MBOAT7: variants seen among roughly 807,000 people sequenced by gnomAD.
MBOAT7 encodes the protein membrane-bound acylglycerophosphatidylinositol O-acyltransferase MBOAT7.
A neutral mutation model predicts 47.4 loss-of-function variants in MBOAT7; 40 were observed. That is an observed-to-expected ratio of 0.84 (90% CI 0.66 to 1.10). MBOAT7 has a LOEUF of 1.10. Among genes scored for constraint, MBOAT7 ranks in the 50% least tolerant of loss-of-function variants. The pLI is 0.00. For missense variants in MBOAT7, 680 were observed against 655.6 expected (o/e 1.04, Z -0.41); for synonymous variants, 361 against 292.0 (o/e 1.24, Z -2.41).
intron 7 of MBOAT7, among the ~76,000 whole-genome samples, chr19:54,176,913 A>AAAT (rs968562969): frequency 7.9e-5 from 12 of 152,096 alleles, no homozygotes; most frequent in African/African-American, 2.9e-4. Context: ...AGTAAAAAAA[A>AAAT]AATAATAATA....
At chr19:54,178,180 G>T (rs987486087) in intron 7 of MBOAT7, 2 of 968,416 alleles carry the variant, frequency 2.1e-6, no homozygotes, top group Non-Finnish European at 2.5e-6. Context: ...AAAGTGCTGG[G>T]ATTCCAGGCG....
intron 7 of MBOAT7, among the ~76,000 whole-genome samples, chr19:54,175,045 G>C (rs556273532): frequency 6.9e-6 from 1 of 143,920 alleles, no homozygotes; most frequent in African/African-American, 2.6e-5. Context: ...GCGCGATCTT[G>C]GCTCACTGCA....
rs1280933603 is a variant in MBOAT7 at position 54,188,488 on chromosome 19, C to A, written c.21G>T (p.Thr7=). MSPEEW[T]YLVVLLISIP... ...TGGAGATAAGAAGAACCACTAGATA[C>A]GTCCATTCTTCAGGCGACATGGTCT... Residue 7 remains threonine (T), a synonymous_variant, in exon 2 of 8, where the codon ACG becomes ACT. Coordinates refer to ENST00000245615, the MANE Select transcript of MBOAT7 (RefSeq NM_024298.5). 2.6e-6 allele frequency: 4 copies of A among 1,553,944 alleles called. No homozygotes were observed. The highest frequency in any genetic ancestry group is 4.9e-5 in the East Asian group (2 of 41,208).
chr19:54,174,302 C>G lies in MBOAT7; in HGVS notation c.1161G>C (p.Leu387=). The change falls in exon 8 of 8, where the codon CTG becomes CTC. Residue 387 remains leucine, a synonymous_variant. Transcript: ENST00000245615. ...GRLESALRGR[L]SPGGQKAWDW... is the part of the protein sequence containing the mutation. Reference sequence around the variant, plus strand: ...CCCAGGCCTTCTGGCCCCCTGGGCTCAGCCGCCCCCGCAGGGCTGACTCCA... The same window carrying G: ...CCCAGGCCTTCTGGCCCCCTGGGCTGAGCCGCCCCCGCAGGGCTGACTCCA... The G allele has an allele frequency of 3.1e-6, 5 of 1,613,232 alleles. No homozygotes were observed. The highest frequency in any genetic ancestry group is 4.2e-6 in the Non-Finnish European group (5 of 1,179,530).
At chr19:54,176,186 G>C (rs7247774) in intron 7 of MBOAT7, among the ~76,000 whole-genome samples, 6,175 of 151,866 alleles carry the variant, frequency 0.041, 398 homozygotes, top group African/African-American at 0.14. Context: ...ATGGAGTCTT[G>C]CTATGTTGAC....
chr19:54,178,602 G>C, intron 7 of MBOAT7, 163 bp downstream of exon 7: 2 of 1,429,854 alleles, frequency 1.4e-6, no homozygotes, highest in South Asian at 3.0e-5. Context: ...ACACCGGCAT[G>C]CTGCCACTAT....
At chr19:54,181,260 CG>C (rs372325242) in intron 5 of MBOAT7, 127 bp from the exon 6 acceptor site, 116 of 1,167,808 alleles carry the variant, frequency 9.9e-5, no homozygotes, top group African/African-American at 6.0e-4. Context: ...GACTGGGCGC[CG>C]GGGAGACCCC....
rs758878039 is a variant in MBOAT7 at position 54,173,472 on chromosome 19, C to G, written c.*572G>C. 1.9e-5 allele frequency: 4 copies of G among 209,654 alleles called. No homozygotes were observed. The highest frequency in any genetic ancestry group is 3.8e-5 in the Non-Finnish European group (4 of 104,340). 13.0% of individuals were successfully genotyped at this position (209,654 alleles called of 1,614,324 possible). A position where few individuals can be genotyped will look rare whatever the true frequency, so the allele number is the denominator to read the frequency against. On this transcript the variant is annotated 3_prime_UTR_variant, in exon 8 of 8. Transcript: ENST00000245615. ...ACACGGTGACCTGTCATAGGCCAAG[C>G]GATGAGAAGAGGGCGCCAGGAGTGC...
intron 4 of MBOAT7, among the ~76,000 whole-genome samples, chr19:54,185,760 A>G (rs899024824): frequency 1.1e-4 from 16 of 151,422 alleles, no homozygotes; most frequent in Non-Finnish European, 1.8e-4. Context: ...CAATGGCGGG[A>G]TCTTGGCTCA....
Position 54,180,766 on chromosome 19 carries a change from G to A in MBOAT7, c.854+7C>T, listed in dbSNP as rs368650520. ...GGTCTTGGGAAGCCTCCCTCGCGCC[G>A]CCTGACCTGCTGGGGGGTGGGCATT... On this transcript the variant is annotated splice_region_variant and intron_variant, in intron 6 of 7. Coordinates refer to ENST00000245615, the MANE Select transcript of MBOAT7 (RefSeq NM_024298.5). This position sits in a 1 kb window ranked among gnomAD's most constrained non-coding sequence, Gnocchi z 5.2. 163 of 1,516,466 alleles carry A rather than the reference G, an allele frequency of 1.1e-4. 2 individuals carry two copies. In the East Asian group the frequency reaches 2.7e-3, roughly 25 times the overall value. The allele number at this position is 1,516,466 out of a possible 1,614,324, so 93.9% of individuals were successfully genotyped here.
Position 54,180,536 on chromosome 19 carries a change from C to A in MBOAT7, c.854+237G>T. The A allele has an allele frequency of 2.0e-6, 1 of 491,528 alleles. No homozygotes were observed. Among genetic ancestry groups the A allele is most frequent in the Admixed American group, 3.8e-5 (1 of 26,132 alleles). 30.4% of individuals were successfully genotyped at this position (491,528 alleles called of 1,614,324 possible). ...ACCACCTTTTCCTAGCGACAGGGGGCAGTTCACCACACTGCGGGGTGACAA... is the reference window on the plus strand; with the variant it reads ...ACCACCTTTTCCTAGCGACAGGGGGAAGTTCACCACACTGCGGGGTGACAA... On this transcript the variant is annotated intron_variant, in intron 6 of 7. Coordinates refer to ENST00000245615, the MANE Select transcript of MBOAT7 (RefSeq NM_024298.5). The surrounding 1 kb of genome is among the most constrained non-coding windows in gnomAD (Gnocchi z 5.2).
Position 54,180,683 on chromosome 19 carries a change from G to A in MBOAT7, c.854+90C>T. 7.8e-7 allele frequency: 1 copy of A among 1,277,162 alleles called. No individual in the cohort carries two copies. The highest frequency in any genetic ancestry group is 1.0e-6 in the Non-Finnish European group (1 of 958,170). The allele number at this position is 1,277,162 out of a possible 1,614,324, so 79.1% of individuals were successfully genotyped here. A position where few individuals can be genotyped will look rare whatever the true frequency, so the allele number is the denominator to read the frequency against. On this transcript the variant is annotated intron_variant, in intron 6 of 7. Coordinates refer to ENST00000245615, the MANE Select transcript of MBOAT7 (RefSeq NM_024298.5). This position sits in a 1 kb window ranked among gnomAD's most constrained non-coding sequence, Gnocchi z 5.2. ...AAAAAGGTGGTGGCCCTGGCCCCTT[G>A]CTCCCCGCTCTCCTCCCGGCTAGGG...
intron 7 of MBOAT7, among the ~76,000 whole-genome samples, chr19:54,177,183 A>C (rs868787123): frequency 1.3e-5 from 2 of 151,246 alleles, no homozygotes; most frequent in Non-Finnish European, 2.9e-5. Context: ...ACTAATACTA[A>C]TAATAATATC....
intron 7 of MBOAT7, among the ~76,000 whole-genome samples, chr19:54,177,900 G>GTTTTTTTTTTTTTTTTTTTT (rs761565984): frequency 1.3e-5 from 1 of 75,974 alleles, no homozygotes; most frequent in Non-Finnish European, 2.4e-5. Flanking sequence ...TTCTACTTCT[G>GTTTTTTTTTTTTTTTTTTTT]TTTTTTTTTT....
In MBOAT7 at chr19:54,177,900, G is replaced by GTTTTTTTTTTTTTTTTTTTTTT. The variant is rs761565984; in HGVS notation, c.1031+843_1031+864dup. ...ATGCCTGGCTATGAGTTCTACTTCTGTTTTTTTTTTTTTTTTTTTTTTTTT... is the reference window on the plus strand; with the variant it reads ...ATGCCTGGCTATGAGTTCTACTTCTGTTTTTTTTTTTTTTTTTTTTTTTTTTTTTTTTTTTTTTTTTTTTTTT... On this transcript the variant is annotated intron_variant, in intron 7 of 7. Transcript: ENST00000245615. Among the ~76,000 whole-genome samples the GTTTTTTTTTTTTTTTTTTTTTT allele has an allele frequency of 2.6e-5, 2 of 75,974 alleles. 1 individual carries two copies. The highest frequency in any genetic ancestry group is 3.5e-4 in the Admixed American group (2 of 5,726). The allele number at this position is 75,974 out of a possible 152,430, so 49.8% of individuals were successfully genotyped here.
At position 54,178,855 on chromosome 19, in the gene MBOAT7, C is replaced by A. The variant is rs377603361; in HGVS notation, c.941G>T (p.Arg314Leu). ...CYSTDFCVRV[R>L]DGMRYWNMTV... ...CATGTTCCAGTACCGCATGCCATCGCGCACCCGCACGCAGAAATCTGTGCT... is the reference window on the plus strand; with the variant it reads ...CATGTTCCAGTACCGCATGCCATCGAGCACCCGCACGCAGAAATCTGTGCT... Residue 314 changes from arginine (R) to leucine (L), a missense_variant, in exon 7 of 8, where the codon CGC becomes CTC. Coordinates refer to ENST00000245615, the MANE Select transcript of MBOAT7 (RefSeq NM_024298.5). 3 of 1,613,562 alleles carry A rather than the reference C, an allele frequency of 1.9e-6. No individual in the cohort carries two copies. Among genetic ancestry groups the A allele is most frequent in the African/African-American group, 2.7e-5 (2 of 74,952 alleles).
intron 1 of MBOAT7, 108 bp from the exon 2 acceptor site, chr19:54,188,619 GA>G: frequency 9.6e-7 from 1 of 1,036,916 alleles, no homozygotes; most frequent in Non-Finnish European, 1.4e-6. Flanking sequence ...AGTTTTTGAG[GA>G]TGATGGAGTA....
At chr19:54,181,907 GA>G in intron 5 of MBOAT7, among the ~76,000 whole-genome samples, 2 of 14,698 alleles carry the variant, frequency 1.4e-4, no homozygotes, top group Non-Finnish European at 2.8e-4. Flanking sequence ...GGGAGGGAGG[GA>G]AGGAGGGAAG....
intron 4 of MBOAT7, among the ~76,000 whole-genome samples, chr19:54,185,706 T>G (rs928373914): frequency 6.6e-6 from 1 of 151,964 alleles, no homozygotes; most frequent in Admixed American, 6.5e-5. Context: ...CTTTTCTTTT[T>G]TTTTTGAGAT....
Sources: allele counts gnomAD v4.1 joint callset (sites outside exome capture counted in the v4.1 genomes callset), GRCh38; gene constraint gnomAD v4.1.1; non-coding constraint Gnocchi (gnomAD v3.1); transcripts MANE v1.5; gene names NCBI Gene and HGNC (gene_info 2026-07-23, HGNC 2026-07-21).